PHYKPL: variants seen among roughly 807,000 people sequenced by gnomAD.
The protein encoded by PHYKPL is 5-phosphonooxy-L-lysine phospho-lyase.
PHYKPL carries 42 observed loss-of-function variants against 51.3 expected under a neutral mutation model. That is an observed-to-expected ratio of 0.82 (90% confidence interval 0.64 to 1.06). PHYKPL has a LOEUF of 1.06. Among genes scored for constraint, PHYKPL ranks in the 50% least tolerant of loss-of-function variants. The pLI, the probability that PHYKPL is intolerant of heterozygous loss-of-function variation, is 0.00. For synonymous variants in PHYKPL, 264 were observed against 236.0 expected, an observed-to-expected ratio of 1.12 and a Z score of -1.09; for missense variants, 655 against 586.6, an observed-to-expected ratio of 1.12 and a Z score of -1.20.
In PHYKPL at chr5:178,214,893, G is replaced by T; in HGVS notation, c.1083-8C>A. 1.9e-6 allele frequency: 3 copies of T among 1,612,888 alleles called. No individual in the cohort carries two copies. The highest frequency in any genetic ancestry group is 2.5e-6 in the Non-Finnish European group (3 of 1,179,794). On this transcript the variant is annotated splice_region_variant and splice_polypyrimidine_tract_variant and intron_variant, in intron 9 of 12. Transcript: ENST00000308158. ...ATGAAGAGCCCAACACCCCTGCAAG[G>T]GAAGGTGACGACATCTCAGGAGGCC...
chr5:178,210,409 C>A, intron 12 of PHYKPL: 1 of 1,544,168 alleles, frequency 6.5e-7, no homozygotes. Flanking sequence ...TGATTTTGAG[C>A]CTTAGACTTC....
chr5:178,229,198 C>G (rs1391295389), intron 3 of PHYKPL, among the ~76,000 whole-genome samples: 1 of 151,756 alleles, frequency 6.6e-6, no homozygotes. Context: ...CCTCCGCCTC[C>G]CGGTTCAAGC....
chr5:178,221,564 CT>C (rs984128485), intron 8 of PHYKPL, among the ~76,000 whole-genome samples: 37 of 152,284 alleles, frequency 2.4e-4, no homozygotes, highest in African/African-American at 8.9e-4. Context: ...TCCCTCACCC[CT>C]AAGGACATTA....
chr5:178,229,516 C>T (rs1030448974), intron 3 of PHYKPL, among the ~76,000 whole-genome samples: 5 of 152,160 alleles, frequency 3.3e-5, no homozygotes, highest in Non-Finnish European at 5.9e-5. Context: ...TTTCCCTGAA[C>T]CCCCAGGTCA....
At chr5:178,210,412 T>G (rs1757864616) in intron 12 of PHYKPL, 1 of 1,542,914 alleles carries the variant, frequency 6.5e-7, no homozygotes, top group Non-Finnish European at 8.8e-7. Flanking sequence ...TTTTGAGCCT[T>G]AGACTTCGGG....
Position 178,222,343 on chromosome 5 carries a change from G to A in PHYKPL, c.927+12C>T, listed in dbSNP as rs753718086. 1 of 1,603,762 alleles carries A rather than the reference G, an allele frequency of 6.2e-7. No individual in the cohort carries two copies. Among genetic ancestry groups the A allele is most frequent in the South Asian group, 1.1e-5 (1 of 90,254 alleles). On this transcript the variant is annotated intron_variant, in intron 8 of 12. Transcript: ENST00000308158. ...ACCCATGTTGCTCCCTTGACTTAGA[G>A]CCATCACTCACCGTGTTGAAGTACT...
chr5:178,225,428 A>C lies in PHYKPL; in HGVS notation c.340T>G (p.Ser114Ala). The C allele has an allele frequency of 6.2e-7, 1 of 1,614,138 alleles. No individual in the cohort carries two copies. The highest frequency in any genetic ancestry group is 8.5e-7 in the Non-Finnish European group (1 of 1,180,028). The change falls in exon 4 of 13, where the codon TCA (serine) becomes GCA (alanine). Residue 114 changes from serine (S) to alanine (A), a missense_variant and splice_region_variant. Ser to Ala is a moderately conservative substitution (Grantham distance 99). Coordinates refer to ENST00000308158, the MANE Select transcript of PHYKPL (RefSeq NM_153373.4). ...CTCAGGGCCAGGTCATTGGCTTCTGACCTATGACCGAAAAGGTGGGCATGA... is the reference window on the plus strand; with the variant it reads ...CTCAGGGCCAGGTCATTGGCTTCTGCCCTATGACCGAAAAGGTGGGCATGA... ...LCVFYFLNSGSEANDLALRLA... is the reference protein window; with the variant it reads ...LCVFYFLNSGAEANDLALRLA...
At chr5:178,228,543 CA>C (rs1464117698) in intron 3 of PHYKPL, 1 of 702,166 alleles carries the variant, frequency 1.4e-6, no homozygotes, top group Non-Finnish European at 2.6e-6. Context: ...CTTGACATGG[CA>C]AATGTCTGGG....
intron 6 of PHYKPL, 60 bp from the exon 7 acceptor site, chr5:178,222,994 T>C: frequency 6.5e-7 from 1 of 1,545,494 alleles, no homozygotes; most frequent in South Asian, 1.1e-5. Context: ...CGGCTTAGCG[T>C]GCCCTGCTAG....
intron 6 of PHYKPL, chr5:178,223,699 C>T (rs1455960146): frequency 2.3e-5 from 8 of 349,010 alleles, no homozygotes; most frequent in African/African-American, 4.3e-5. Context: ...CTTTCTTTGT[C>T]GTACCTCCTG....
chr5:178,215,688 A>C, intron 8 of PHYKPL: 1 of 475,250 alleles, frequency 2.1e-6, no homozygotes, highest in Non-Finnish European at 3.7e-6. Context: ...GAAGATACAG[A>C]ATCAGAGGAG....
At chr5:178,210,887 T>G in intron 12 of PHYKPL, 1 of 519,790 alleles carries the variant, frequency 1.9e-6, no homozygotes. Context: ...GGTGGGAGGC[T>G]CTGCTTCCTG....
At chr5:178,209,488 C>T (rs1478459652) in intron 12 of PHYKPL, 1 of 1,537,218 alleles carries the variant, frequency 6.5e-7, no homozygotes, top group African/African-American at 1.4e-5. Flanking sequence ...GTTTCCCTGC[C>T]TACATGGAGC....
chr5:178,227,508 G>A (rs1160526471), intron 3 of PHYKPL, among the ~76,000 whole-genome samples: 1 of 152,200 alleles, frequency 6.6e-6, no homozygotes, highest in East Asian at 1.9e-4. Flanking sequence ...CAGGCAGATG[G>A]AGCAGCATGC....
At chr5:178,214,119 C>G (rs147621235) in intron 10 of PHYKPL, among the ~76,000 whole-genome samples, 1 of 152,252 alleles carries the variant, frequency 6.6e-6, no homozygotes, top group East Asian at 1.9e-4. Context: ...TACATCAATA[C>G]CACGCGTGTC....
intron 3 of PHYKPL, among the ~76,000 whole-genome samples, chr5:178,229,296 C>T (rs1421850784): frequency 3.3e-5 from 5 of 152,026 alleles, no homozygotes; most frequent in Non-Finnish European, 5.9e-5. Flanking sequence ...TTAGTAGAGA[C>T]GGGGTTTCGC....
At chr5:178,215,608 C>G (rs1431868892) in intron 8 of PHYKPL, 178 bp from the exon 9 acceptor site, 1 of 684,874 alleles carries the variant, frequency 1.5e-6, no homozygotes, top group South Asian at 2.2e-5. Context: ...CATGGGCTGT[C>G]CTGGCTTTCC....
At chr5:178,212,032 G>C in intron 11 of PHYKPL, 62 bp from the exon 12 acceptor site, 1 of 1,565,100 alleles carries the variant, frequency 6.4e-7, no homozygotes, top group Non-Finnish European at 8.8e-7. Flanking sequence ...ATGCCCTGTT[G>C]ACTTCAGTGT....
intron 8 of PHYKPL, 41 bp from the exon 9 acceptor site, chr5:178,215,471 G>C (rs567846241): frequency 1.3e-6 from 2 of 1,581,098 alleles, no homozygotes; most frequent in Middle Eastern, 2.2e-4. Context: ...CCCTGGCAGA[G>C]TGGGCCATGC....
Sources: allele counts gnomAD v4.1 joint callset (sites outside exome capture counted in the v4.1 genomes callset), GRCh38; gene constraint gnomAD v4.1.1; transcripts MANE v1.5; gene names NCBI Gene and HGNC (gene_info 2026-07-23, HGNC 2026-07-21).